Variants in DPH6 observed in about 807,000 individuals in gnomAD.
DPH6 encodes diphthamine biosynthesis 6.
In DPH6, 33 loss-of-function variants were observed where a neutral mutation model predicts 38.2. That is an observed-to-expected ratio of 0.86 (90% CI 0.65 to 1.15). The LOEUF is 1.15. Ranked by LOEUF, DPH6 falls within the 50% of genes most tolerant of loss-of-function variation. The probability of loss-of-function intolerance (pLI) is 0.00; values close to 1 mark genes in which losing one functional copy is unlikely to be tolerated. For missense variants in DPH6, 325 were observed against 320.0 expected (o/e 1.02, Z -0.12); for synonymous variants, 108 against 103.0 (o/e 1.05, Z -0.30).
At chr15:35,241,102 A>C (rs1256926660) in intron 3 of DPH6, among the ~76,000 whole-genome samples, 1 of 142,686 alleles carries the variant, frequency 7.0e-6, no homozygotes, top group African/African-American at 2.5e-5. Context: ...GATTCCTCCT[A>C]AGCCGTGTCC....
intron 5 of DPH6, among the ~76,000 whole-genome samples, chr15:35,423,841 G>A (rs2053536267): frequency 1.3e-5 from 2 of 151,628 alleles, no homozygotes; most frequent in Non-Finnish European, 3.0e-5. Context: ...CATTCCCATT[G>A]TATGTTTTGG....
At chr15:35,414,471 A>G (rs1473304005) in intron 5 of DPH6, among the ~76,000 whole-genome samples, 1 of 151,834 alleles carries the variant, frequency 6.6e-6, no homozygotes, top group East Asian at 1.9e-4. Context: ...GTCTAGGCAC[A>G]TGTTTATTTT....
chr15:35,184,914 C>T, the DPH6 span, among the ~76,000 whole-genome samples: 1 of 152,122 alleles, frequency 6.6e-6, no homozygotes, highest in Non-Finnish European at 1.5e-5. Flanking sequence ...CAACCTCTAG[C>T]AGAGGTTTTA....
At chr15:35,486,524 C>A (rs1004669787) in intron 3 of DPH6, among the ~76,000 whole-genome samples, 3 of 150,044 alleles carry the variant, frequency 2.0e-5, no homozygotes, top group Admixed American at 2.0e-4. Context: ...TTTAAATCAT[C>A]AGATCTCAAG....
intron 3 of DPH6, among the ~76,000 whole-genome samples, chr15:35,345,117 G>A (rs550206506): frequency 5.9e-5 from 9 of 151,908 alleles, no homozygotes; most frequent in Middle Eastern, 3.4e-3. Flanking sequence ...TAAGACAATA[G>A]AAGTTAGAAG....
chr15:35,522,120 G>A lies in DPH6; in HGVS notation c.312+16154C>T, dbSNP rs2054930761. 2.5e-6 allele frequency: 4 copies of A among 1,612,966 alleles called. No individual in the cohort carries two copies. The African/African-American group carries it at 5.3e-5, about 22-fold the overall frequency. ...ATACTTCACATTTTGCAATCTCACT[G>A]ATAAAAGGAGGAAATGTGTGTTTAT... On this transcript the variant is annotated intron_variant, in intron 3 of 8. Transcript: ENST00000256538.
intron 3 of DPH6, among the ~76,000 whole-genome samples, chr15:35,269,659 C>T (rs943629085): frequency 4.0e-5 from 6 of 150,536 alleles, no homozygotes; most frequent in Non-Finnish European, 8.9e-5. Context: ...AGGATGGTCT[C>T]GATCTCCTGA....
intron 3 of DPH6, among the ~76,000 whole-genome samples, chr15:35,495,898 T>C (rs1566930938): frequency 6.6e-6 from 1 of 152,140 alleles, no homozygotes; most frequent in Non-Finnish European, 1.5e-5. Context: ...CAGAAACAGA[T>C]CCACACATAT....
At chr15:35,368,149 C>G (rs1434819129), downstream of DPH6, among the ~76,000 whole-genome samples, 1 of 151,858 alleles carries the variant, frequency 6.6e-6, no homozygotes, top group Non-Finnish European at 1.5e-5. Flanking sequence ...ATTGACAGGG[C>G]AGTTCATCTC....
In DPH6 at chr15:35,546,101, G is replaced by A. The variant is rs1458952983; in HGVS notation, c.23+18C>T. On this transcript the variant is annotated intron_variant, in intron 1 of 8. Transcript: ENST00000256538. The stretch of plus-strand genomic sequence containing the variant: ...AGCCTGGCCTAGGAGGAAGGAGGCG[G>A]CTCCAGGACCGCATTACCTGATCAG... 1.4e-6 allele frequency: 2 copies of A among 1,391,396 alleles called. No individual in the cohort carries two copies. The highest frequency in any genetic ancestry group is 1.7e-5 in the South Asian group (1 of 60,112). 86.2% of individuals were successfully genotyped at this position (1,391,396 alleles called of 1,614,324 possible).
chr15:35,327,580 C>T (rs1316863245), downstream of DPH6, among the ~76,000 whole-genome samples: 1 of 152,062 alleles, frequency 6.6e-6, no homozygotes, highest in African/African-American at 2.4e-5. Flanking sequence ...CTGCTGACCT[C>T]GTGATCTGCC....
intron 3 of DPH6, among the ~76,000 whole-genome samples, chr15:35,332,420 T>C (rs1039746105): frequency 1.5e-4 from 23 of 152,326 alleles, no homozygotes; most frequent in Admixed American, 3.3e-4. Flanking sequence ...GAAAGTAATA[T>C]AATTTGATCA....
chr15:35,302,624 G>A (rs1375068535), intron 3 of DPH6, among the ~76,000 whole-genome samples: 2 of 152,032 alleles, frequency 1.3e-5, no homozygotes, highest in Non-Finnish European at 2.9e-5. Flanking sequence ...TGACTCCTTC[G>A]AGATCACTAA....
At position 35,393,263 on chromosome 15, in the gene DPH6, G is replaced by A. The variant is rs181988778; in HGVS notation, c.568-11347C>T. Among the ~76,000 whole-genome samples, 27 of 152,244 alleles carry A rather than the reference G, an allele frequency of 1.8e-4. No homozygotes were observed. The East Asian group carries it at 4.8e-3, about 27-fold the overall frequency. On this transcript the variant is annotated intron_variant, in intron 6 of 8. Coordinates refer to ENST00000256538, the MANE Select transcript of DPH6 (RefSeq NM_080650.4). ...GGAGAGGAGAGAGTAGATATTTTGAGAGATTTTCTTTAGAGGCTGAAACTG... is the reference window on the plus strand; with the variant it reads ...GGAGAGGAGAGAGTAGATATTTTGAAAGATTTTCTTTAGAGGCTGAAACTG...
intron 5 of DPH6, among the ~76,000 whole-genome samples, chr15:35,446,247 T>C (rs1404450129): frequency 3.5e-5 from 3 of 86,362 alleles, no homozygotes; most frequent in Non-Finnish European, 4.8e-5. Context: ...TTTTTTTTTT[T>C]CTGAGACAGG....
chr15:35,157,469 G>A, the DPH6 span, among the ~76,000 whole-genome samples: 1 of 152,036 alleles, frequency 6.6e-6, no homozygotes, highest in Non-Finnish European at 1.5e-5. Context: ...GAGTCCATGA[G>A]CACCTCTATC....
intron 3 of DPH6, among the ~76,000 whole-genome samples, chr15:35,493,100 TCCA>T (rs1209854701): frequency 6.6e-6 from 1 of 152,208 alleles, no homozygotes; most frequent in African/African-American, 2.4e-5. Flanking sequence ...TTCATGCTAA[TCCA>T]CCAACATTCT....
chr15:35,271,865 G>A (rs1035679503), intron 3 of DPH6, among the ~76,000 whole-genome samples: 2 of 152,230 alleles, frequency 1.3e-5, no homozygotes, highest in African/African-American at 4.8e-5. Context: ...GTTTAGCTCA[G>A]TGTTCAAGGG....
intron 3 of DPH6, chr15:35,237,604 A>G: frequency 1.2e-6 from 2 of 1,603,340 alleles, no homozygotes; most frequent in Non-Finnish European, 1.7e-6. Flanking sequence ...TCACGCATCT[A>G]AATTTATGTG....
Sources: allele counts gnomAD v4.1 joint callset (sites outside exome capture counted in the v4.1 genomes callset), GRCh38; gene constraint gnomAD v4.1.1; transcripts MANE v1.5; gene names NCBI Gene and HGNC (gene_info 2026-07-23, HGNC 2026-07-21).